TRIO: variants seen among roughly 807,000 people sequenced by gnomAD.
The protein encoded by TRIO is trio Rho guanine nucleotide exchange factor, also known as triple functional domain protein.
In TRIO, 58 loss-of-function variants were observed where a neutral mutation model predicts 351.9. The observed-to-expected ratio is 0.16, with a 90% CI of 0.13 to 0.21. The LOEUF is 0.21. Ranked by LOEUF, TRIO falls within the 10% of genes least tolerant of loss-of-function variation. The probability of loss-of-function intolerance (pLI) is 1.00; values close to 1 mark genes in which losing one functional copy is unlikely to be tolerated. For missense variants in TRIO, 3,201 were observed against 4,027.8 expected (o/e 0.79, Z 5.56); for synonymous variants, 1,758 against 1,595.7 (o/e 1.10, Z -2.42).
At position 14,492,340 on chromosome 5, in the gene TRIO, A is replaced by G. The variant is rs189913380; in HGVS notation, c.7633-227A>G. On this transcript the variant is annotated intron_variant, in intron 48 of 56. Transcript: ENST00000344204. ...AGTCATTATTGCAGTGAATTTTTTA[A>G]GAGCGTCCCTAAATTGCTTTCTAGA... 952 of 587,362 alleles carry G rather than the reference A, an allele frequency of 1.6e-3. 2 individuals carry two copies. Among genetic ancestry groups the G allele is most frequent in the Non-Finnish European group, 2.5e-3 (858 of 341,094 alleles). The allele number at this position is 587,362 out of a possible 1,614,324, so 36.4% of individuals were successfully genotyped here.
intron 11 of TRIO, among the ~76,000 whole-genome samples, chr5:14,341,553 A>G (rs1159603328): frequency 1.3e-5 from 2 of 152,236 alleles, no homozygotes; most frequent in African/African-American, 4.8e-5. Flanking sequence ...TTTCTAGCAT[A>G]TTATTCTGAG....
At chr5:14,200,567 G>A (rs1791047516) in intron 1 of TRIO, among the ~76,000 whole-genome samples, 1 of 152,188 alleles carries the variant, frequency 6.6e-6, no homozygotes, top group Non-Finnish European at 1.5e-5. Context: ...AATGGATCGG[G>A]TTTAGCATTT....
At chr5:14,459,733 A>G (rs1753628451) in intron 34 of TRIO, among the ~76,000 whole-genome samples, 1 of 152,154 alleles carries the variant, frequency 6.6e-6, no homozygotes, top group South Asian at 2.1e-4. Flanking sequence ...GCAAGACTCC[A>G]TCTGAAAAAC....
chr5:14,395,139 A>G (rs1747450321), intron 28 of TRIO, among the ~76,000 whole-genome samples: 1 of 152,260 alleles, frequency 6.6e-6, no homozygotes, highest in Non-Finnish European at 1.5e-5. Flanking sequence ...TTTGTTAGCA[A>G]GAAAAATCTA....
intron 34 of TRIO, among the ~76,000 whole-genome samples, chr5:14,452,362 T>C (rs971583956): frequency 3.3e-5 from 5 of 152,202 alleles, no homozygotes; most frequent in Non-Finnish European, 7.4e-5. Context: ...TCCAAAGACT[T>C]TTTTCATACC....
intron 33 of TRIO, among the ~76,000 whole-genome samples, chr5:14,407,965 G>A (rs1399493842): frequency 6.6e-6 from 1 of 152,210 alleles, no homozygotes; most frequent in East Asian, 1.9e-4. Flanking sequence ...TATGAGCCCA[G>A]AATTGCTGAG....
At chr5:14,369,858 A>G (rs149742909) in intron 18 of TRIO, among the ~76,000 whole-genome samples, 1 of 152,332 alleles carries the variant, frequency 6.6e-6, no homozygotes, top group Non-Finnish European at 1.5e-5. Context: ...CCTATAGCTT[A>G]AAATAATCTT....
rs1428312348 is a variant in TRIO, at chr5:14,479,285, G to C, written c.6178G>C (p.Ala2060Pro). ...KHERRLHMYIAYCQNKPKSEH... is the reference protein window; with the variant it reads ...KHERRLHMYIPYCQNKPKSEH... ...GGAGAGAAGGTTGCACATGTACATAGCTTATTGTCAAAATAAACCAAAGTC... is the reference window on the plus strand; with the variant it reads ...GGAGAGAAGGTTGCACATGTACATACCTTATTGTCAAAATAAACCAAAGTC... The change falls in exon 42 of 57, where the codon GCT becomes CCT. Residue 2060 changes from alanine to proline, a missense_variant. By Grantham distance (27) the Ala-to-Pro change is conservative (BLOSUM62 -1). Transcript: ENST00000344204. 6.2e-7 allele frequency: 1 copy of C among 1,613,826 alleles called. No individual in the cohort carries two copies. Among genetic ancestry groups the C allele is most frequent in the East Asian group, 2.2e-5 (1 of 44,862 alleles).
In TRIO at chr5:14,469,834, G is replaced by C. The variant is rs187386135; in HGVS notation, c.5764-1484G>C. 7.2e-3 allele frequency among the ~76,000 whole-genome samples: 1,094 copies of C among 152,362 alleles called. 5 individuals carry two copies. The highest frequency in any genetic ancestry group is 0.02 in the Middle Eastern group (6 of 294). Reference sequence around the variant, plus strand: ...GTCCCCATGGACACTGATGAAGTCCGTGACTTTACCTCCCTGCCGTCTGCA... The same window carrying C: ...GTCCCCATGGACACTGATGAAGTCCCTGACTTTACCTCCCTGCCGTCTGCA... On this transcript the variant is annotated intron_variant, in intron 37 of 56. Transcript: ENST00000344204.
At chr5:14,479,884 G>C in intron 42 of TRIO, 35 bp from the exon 43 acceptor site, 1 of 1,603,096 alleles carries the variant, frequency 6.2e-7, no homozygotes, top group Admixed American at 1.7e-5. Flanking sequence ...TTAATGAACA[G>C]CCCATACGAT....
At chr5:14,213,713 T>G (rs183638635) in intron 1 of TRIO, among the ~76,000 whole-genome samples, 1 of 152,360 alleles carries the variant, frequency 6.6e-6, no homozygotes, top group East Asian at 1.9e-4. Flanking sequence ...TCTATGAGCA[T>G]TCTGACCTTA....
At chr5:14,338,233 C>T (rs1249806946) in intron 11 of TRIO, among the ~76,000 whole-genome samples, 5 of 152,110 alleles carry the variant, frequency 3.3e-5, no homozygotes, top group Non-Finnish European at 7.3e-5. Flanking sequence ...TTGACTAGGC[C>T]GTACCCCTGC....
intron 1 of TRIO, among the ~76,000 whole-genome samples, chr5:14,157,840 A>C (rs1788209174): frequency 6.6e-6 from 1 of 152,142 alleles, no homozygotes; most frequent in Admixed American, 6.5e-5. Context: ...CACCTGCCTC[A>C]GTCTCCCAAA....
At chr5:14,181,916 G>A (rs777825032) in intron 1 of TRIO, among the ~76,000 whole-genome samples, 4 of 151,994 alleles carry the variant, frequency 2.6e-5, no homozygotes, top group Non-Finnish European at 5.9e-5. Flanking sequence ...TGAAATTCTA[G>A]GTCTGACCTC....
intron 1 of TRIO, among the ~76,000 whole-genome samples, chr5:14,165,764 C>T (rs1195615056): frequency 6.6e-6 from 1 of 152,178 alleles, no homozygotes; most frequent in Non-Finnish European, 1.5e-5. Context: ...ACAAAGGCCC[C>T]TGGATCCCAG....
At chr5:14,172,613 A>G (rs1789164030) in intron 1 of TRIO, among the ~76,000 whole-genome samples, 1 of 152,244 alleles carries the variant, frequency 6.6e-6, no homozygotes, top group South Asian at 2.1e-4. Context: ...GATGATATCA[A>G]ACCGGAGTGT....
intron 1 of TRIO, among the ~76,000 whole-genome samples, chr5:14,163,678 T>G (rs1303266957): frequency 6.6e-6 from 1 of 152,262 alleles, no homozygotes; most frequent in Non-Finnish European, 1.5e-5. Flanking sequence ...ACATGCACAT[T>G]GTTGTAGATG....
At position 14,487,688 on chromosome 5, in the gene TRIO, T is replaced by G. The variant is rs1756056443; in HGVS notation, c.7060T>G (p.Ser2354Ala). ...PVRHHPPVLVSSAASSQAEAD... is the reference protein window; with the variant it reads ...PVRHHPPVLVASAASSQAEAD... Reference sequence around the variant, plus strand: ...CCGACACCACCCCCCCGTGCTGGTCTCCTCTGCAGCCTCGAGCCAGGCAGA... The same window carrying G: ...CCGACACCACCCCCCCGTGCTGGTCGCCTCTGCAGCCTCGAGCCAGGCAGA... Residue 2354 changes from serine to alanine, a missense_variant, in exon 48 of 57, where the codon TCC becomes GCC. Physicochemically the swap from Ser to Ala is moderately conservative, Grantham distance 99 (BLOSUM62 1). This residue lies in a region of TRIO where 1,089 missense variants were observed against 954.9 expected (regional missense o/e 1.14). Transcript: ENST00000344204. 37 of 1,420,300 alleles carry G rather than the reference T, an allele frequency of 2.6e-5. No individual in the cohort carries two copies. The highest frequency in any genetic ancestry group is 3.4e-5 in the Non-Finnish European group (37 of 1,076,106). 88.0% of individuals were successfully genotyped at this position (1,420,300 alleles called of 1,614,324 possible).
In TRIO at chr5:14,502,526, A is replaced by AC. The variant is rs1757370107; in HGVS notation, c.8333-50dup. ...GACAGTGCGTGGCGATAGCCTTCTT[A>AC]CCCAAGAAGCTCCACGGGAAACAAG... On this transcript the variant is annotated intron_variant, in intron 53 of 56. Transcript: ENST00000344204. 3 of 1,590,796 alleles carry AC rather than the reference A, an allele frequency of 1.9e-6. No individual in the cohort carries two copies. The South Asian group carries it at 3.3e-5, about 18-fold the overall frequency.
Sources: allele counts gnomAD v4.1 joint callset (sites outside exome capture counted in the v4.1 genomes callset), GRCh38; gene constraint gnomAD v4.1.1; regional missense constraint gnomAD v4.1.1; transcripts MANE v1.5; gene names NCBI Gene and HGNC (gene_info 2026-07-23, HGNC 2026-07-21).